The following CYP4X1 variants were observed in gnomAD, a reference collection of about 807,000 sequenced individuals.
CYP4X1 encodes the protein cytochrome P450 family 4 subfamily X member 1.
In CYP4X1, 44 loss-of-function variants were observed where a neutral mutation model predicts 57.9. That is an observed-to-expected ratio of 0.76 (90% CI 0.60 to 0.98). CYP4X1 has a LOEUF of 0.98. Ranked by LOEUF, CYP4X1 falls within the 50% of genes least tolerant of loss-of-function variation. The pLI is 0.00. For missense variants in CYP4X1, 532 were observed against 623.9 expected, an observed-to-expected ratio of 0.85 and a Z score of 1.57; for synonymous variants, 227 against 228.6, an observed-to-expected ratio of 0.99 and a Z score of 0.06.
intron 1 of CYP4X1, among the ~76,000 whole-genome samples, chr1:47,027,994 C>G (rs952701434): frequency 6.6e-6 from 1 of 152,172 alleles, no homozygotes; most frequent in Non-Finnish European, 1.5e-5. Flanking sequence ...GTGCATGGTA[C>G]AGTTCCTGGT....
At chr1:47,001,023 G>T in the CYP4X1 span, 3 of 228,968 alleles carry the variant, frequency 1.3e-5, no homozygotes, top group South Asian at 1.7e-4. Flanking sequence ...GCTTAAAGTT[G>T]AGTAGGGTCA....
downstream of CYP4X1, among the ~76,000 whole-genome samples, chr1:47,052,860 C>T (rs1188061306): frequency 1.3e-5 from 2 of 152,066 alleles, no homozygotes; most frequent in Admixed American, 1.3e-4. Context: ...GTTTTGTTTT[C>T]TGTGATTTGT....
At chr1:47,021,168 A>AAAAAAAG, upstream of CYP4X1, among the ~76,000 whole-genome samples, 1 of 149,298 alleles carries the variant, frequency 6.7e-6, no homozygotes, top group Non-Finnish European at 1.5e-5. Flanking sequence ...AAAAAAAAAA[A>AAAAAAAG]GGAAGGAGGC....
rs745875327 is a variant in CYP4X1 at position 47,033,327 on chromosome 1, G to C, written c.451G>C (p.Ala151Pro). 9.3e-6 allele frequency: 15 copies of C among 1,613,692 alleles called. No individual in the cohort carries two copies. The highest frequency in any genetic ancestry group is 1.1e-5 in the Non-Finnish European group (13 of 1,179,832). Residue 151 changes from alanine to proline, a missense_variant, in exon 4 of 12, where the codon GCA (alanine) becomes CCA (proline). Coordinates refer to ENST00000371901, the MANE Select transcript of CYP4X1 (RefSeq NM_178033.2). ...TPGFHFNILKAYIEVMAHSVK... is the reference protein window; with the variant it reads ...TPGFHFNILKPYIEVMAHSVK... ...TGGATTCCATTTTAACATCCTGAAA[G>C]CATACATTGAGGTGATGGCTCATTC...
intron 8 of CYP4X1, 55 bp from the exon 9 acceptor site, chr1:47,046,412 A>G (rs1243528623): frequency 1.2e-6 from 2 of 1,600,712 alleles, no homozygotes; most frequent in South Asian, 1.1e-5. Flanking sequence ...CAGAAAACAG[A>G]AAAAAAGTAA....
At chr1:46,999,011 T>A in the CYP4X1 span, among the ~76,000 whole-genome samples, 11 of 141,068 alleles carry the variant, frequency 7.8e-5, no homozygotes, top group Non-Finnish European at 1.5e-4. Context: ...ATTTGATGCC[T>A]TGGGCTTGCT....
At chr1:46,975,152 G>T in the CYP4X1 span, among the ~76,000 whole-genome samples, 1 of 152,126 alleles carries the variant, frequency 6.6e-6, no homozygotes, top group African/African-American at 2.4e-5. Context: ...ACTTTTAAGT[G>T]GGGTATTTAG....
At chr1:46,967,966 C>G in the CYP4X1 span, 1 of 312,030 alleles carries the variant, frequency 3.2e-6, no homozygotes, top group East Asian at 5.8e-5. Context: ...GGTTTGTTCA[C>G]TCTTCCACAG....
intron 2 of CYP4X1, 40 bp downstream of exon 2, chr1:47,030,171 G>A: frequency 6.3e-7 from 1 of 1,576,460 alleles, no homozygotes; most frequent in Non-Finnish European, 8.6e-7. Flanking sequence ...ATTCCTCCTA[G>A]AAGTGAAATG....
chr1:46,980,882 G>T, the CYP4X1 span, among the ~76,000 whole-genome samples: 3 of 152,148 alleles, frequency 2.0e-5, no homozygotes, highest in East Asian at 5.8e-4. Flanking sequence ...ATGGGGAAAG[G>T]ATTCCCTATT....
At position 47,031,474 on chromosome 1, in the gene CYP4X1, C is replaced by T. The variant is rs1359810025; in HGVS notation, c.358C>T (p.Leu120Phe). 6.2e-7 allele frequency: 1 copy of T among 1,614,128 alleles called. No homozygotes were observed. The highest frequency in any genetic ancestry group is 8.5e-7 in the Non-Finnish European group (1 of 1,179,996). ...SQYLQKFSPP[L>F]LGKGLAALDG... ...GTACCTGCAGAAATTCTCACCTCCA[C>T]TTCTTGGTATGTATGTGCAAATGAG... is the stretch of plus-strand genomic sequence containing the variant. Residue 120 changes from leucine to phenylalanine, a missense_variant, in exon 3 of 12, where the codon CTT becomes TTT. Coordinates refer to ENST00000371901, the MANE Select transcript of CYP4X1 (RefSeq NM_178033.2).
the CYP4X1 span, among the ~76,000 whole-genome samples, chr1:47,016,374 C>T: frequency 6.8e-6 from 1 of 147,894 alleles, no homozygotes; most frequent in Non-Finnish European, 1.5e-5. Flanking sequence ...TGGAGTCTTG[C>T]TCTGTTGCCC....
intron 4 of CYP4X1, among the ~76,000 whole-genome samples, chr1:47,034,100 G>A (rs1413526674): frequency 6.6e-6 from 1 of 152,148 alleles, no homozygotes; most frequent in Non-Finnish European, 1.5e-5. Flanking sequence ...CAGATTCAGA[G>A]GAAACTCAAA....
the CYP4X1 span, among the ~76,000 whole-genome samples, chr1:46,977,553 C>A: frequency 6.6e-6 from 1 of 152,048 alleles, no homozygotes; most frequent in Non-Finnish European, 1.5e-5. Context: ...AAACACTCTT[C>A]AGGATATTAT....
At chr1:46,975,352 A>C in the CYP4X1 span, among the ~76,000 whole-genome samples, 2 of 152,270 alleles carry the variant, frequency 1.3e-5, no homozygotes, top group South Asian at 2.1e-4. Flanking sequence ...TTTGTAAGGC[A>C]GTTCTGGTGG....
chr1:47,006,111 C>A, the CYP4X1 span, among the ~76,000 whole-genome samples: 65 of 152,194 alleles, frequency 4.3e-4, no homozygotes, highest in African/African-American at 1.4e-3. Flanking sequence ...AGAATCGAGT[C>A]CAGTGAATGG....
chr1:47,018,834 G>C (rs1244971672), upstream of CYP4X1, among the ~76,000 whole-genome samples: 2 of 152,150 alleles, frequency 1.3e-5, no homozygotes, highest in African/African-American at 4.8e-5. Flanking sequence ...CTTGTAGCCA[G>C]AAAAATCAGA....
the CYP4X1 span, among the ~76,000 whole-genome samples, chr1:46,976,905 CAGACAGAAAAGAATTGCAT>C: frequency 6.6e-6 from 1 of 152,194 alleles, no homozygotes; most frequent in African/African-American, 2.4e-5. Context: ...GGAAAACTGA[CAGACAGAAAAGAATTGCAT>C]CAACATCAAC....
the CYP4X1 span, among the ~76,000 whole-genome samples, chr1:47,008,929 T>C: frequency 6.6e-6 from 1 of 152,126 alleles, no homozygotes; most frequent in African/African-American, 2.4e-5. Context: ...AGCAAGTCCT[T>C]AGAGACCTAC....
Sources: gnomAD v4.1 joint callset for allele counts (sites outside exome capture counted in the v4.1 genomes callset) on GRCh38, gnomAD v4.1.1 for gene constraint, MANE v1.5 for transcripts, NCBI Gene and HGNC (gene_info 2026-07-23, HGNC 2026-07-21) for gene names.